Variants in NTNG1 observed in about 807,000 individuals in gnomAD.
The protein encoded by NTNG1 is netrin-G1.
In NTNG1, 16 loss-of-function variants were observed where a neutral mutation model predicts 54.0. The ratio of observed to expected loss-of-function variants is 0.30; its 90% CI spans 0.20 to 0.45. The LOEUF (loss-of-function observed/expected upper bound fraction) is 0.45. NTNG1 is among the 20% of genes least tolerant of loss of function. NTNG1 has a pLI of 1.00. For missense variants in NTNG1, 530 were observed against 678.7 expected (o/e 0.78, Z 2.43); for synonymous variants, 255 against 263.1 (o/e 0.97, Z 0.30).
intron 5 of NTNG1, among the ~76,000 whole-genome samples, chr1:107,428,376 T>C (rs779885703): frequency 2.0e-5 from 3 of 152,114 alleles, no homozygotes; most frequent in Non-Finnish European, 2.9e-5. Flanking sequence ...TTTTTTCTGG[T>C]TATCTGAGCA....
At chr1:107,170,955 A>G (rs886379183) in intron 2 of NTNG1, among the ~76,000 whole-genome samples, 3 of 152,128 alleles carry the variant, frequency 2.0e-5, no homozygotes, top group African/African-American at 7.2e-5. Flanking sequence ...TACTTATAGC[A>G]TCGTACAAAT....
At position 107,394,555 on chromosome 1, in the gene NTNG1, C is replaced by T. The variant is rs139199818; in HGVS notation, c.888-599C>T. ...TCTGAGGATTACTGTGTCTCACCCC[C>T]CTTCGGGTCTGTTAGCAGCCTTGGT... On this transcript the variant is annotated intron_variant, in intron 3 of 7. Transcript: ENST00000370068. Among the ~76,000 whole-genome samples, 536 of 152,222 alleles carry T rather than the reference C, an allele frequency of 3.5e-3. 1 individual carries two copies. The highest frequency in any genetic ancestry group is 8.5e-3 in the African/African-American group (353 of 41,532).
At chr1:107,376,458 C>A (rs1032361485) in intron 3 of NTNG1, among the ~76,000 whole-genome samples, 1 of 151,722 alleles carries the variant, frequency 6.6e-6, no homozygotes, top group Admixed American at 6.6e-5. Flanking sequence ...ATTGTATTTC[C>A]ATTTTACAGA....
At chr1:107,375,066 T>C (rs1671148113) in intron 3 of NTNG1, among the ~76,000 whole-genome samples, 1 of 152,216 alleles carries the variant, frequency 6.6e-6, no homozygotes, top group African/African-American at 2.4e-5. Context: ...CTAATACTTT[T>C]GGAGGTTTTT....
At chr1:107,437,858 T>C (rs1478055285) in intron 7 of NTNG1, among the ~76,000 whole-genome samples, 1 of 152,170 alleles carries the variant, frequency 6.6e-6, no homozygotes, top group Admixed American at 6.5e-5. Flanking sequence ...GCTGCCCATA[T>C]TGTAAGGCTT....
In NTNG1 at chr1:107,173,231, A is replaced by G. The variant is rs72697671; in HGVS notation, c.246+24392A>G. On this transcript the variant is annotated intron_variant, in intron 2 of 7. Transcript: ENST00000370068. ...GTTTAACGCATCTTAAAACCTCACA[A>G]TTCACTATTCTAGCAGTTTTTCATT... 2.8e-3 allele frequency among the ~76,000 whole-genome samples: 420 copies of G among 152,210 alleles called. 3 individuals are homozygous for G. The highest frequency in any genetic ancestry group is 4.4e-3 in the Non-Finnish European group (298 of 67,990).
chr1:107,422,805 C>CA lies in NTNG1; in HGVS notation c.1088-7936dup, dbSNP rs200550711. 3.5e-4 allele frequency among the ~76,000 whole-genome samples: 52 copies of CA among 149,612 alleles called. No individual in the cohort carries two copies. In the East Asian group the frequency reaches 6.6e-3, roughly 19 times the overall value. ...TTTGAATTAGCTTTCCTCATTTGGCCAAAAAAAAATCTACCTGTTCTAATT... is the reference window on the plus strand; with the variant it reads ...TTTGAATTAGCTTTCCTCATTTGGCCAAAAAAAAAATCTACCTGTTCTAATT... On this transcript the variant is annotated intron_variant, in intron 5 of 7. Coordinates refer to ENST00000370068, the MANE Select transcript of NTNG1 (RefSeq NM_001113226.3).
chr1:107,340,354 G>A (rs937343251), intron 3 of NTNG1, among the ~76,000 whole-genome samples: 1 of 152,080 alleles, frequency 6.6e-6, no homozygotes, highest in Admixed American at 6.6e-5. Context: ...ACCACATGTT[G>A]TTTAATCAGA....
At chr1:107,377,242 G>A (rs989894409) in intron 3 of NTNG1, among the ~76,000 whole-genome samples, 8 of 152,142 alleles carry the variant, frequency 5.3e-5, no homozygotes, top group African/African-American at 1.7e-4. Flanking sequence ...GCCTCACATT[G>A]AACCTCCCAG....
At chr1:107,275,383 T>A (rs953038771) in intron 2 of NTNG1, among the ~76,000 whole-genome samples, 9 of 151,706 alleles carry the variant, frequency 5.9e-5, no homozygotes, top group Non-Finnish European at 1.0e-4. Flanking sequence ...TCAAAAAAAA[T>A]AAATAAATAA....
chr1:107,299,000 G>A lies in NTNG1; in HGVS notation c.247-25282G>A, dbSNP rs138198343. On this transcript the variant is annotated intron_variant, in intron 2 of 7. Transcript: ENST00000370068. ...TTTGGACTATGGGTACATATGGGTAGTGTTGCCTTGGGTTATGGGTACATT... is the reference window on the plus strand; with the variant it reads ...TTTGGACTATGGGTACATATGGGTAATGTTGCCTTGGGTTATGGGTACATT... Among the ~76,000 whole-genome samples the A allele has an allele frequency of 4.6e-4, 70 of 152,294 alleles. No homozygotes were observed. The East Asian group carries it at 0.013, about 27-fold the overall frequency.
chr1:107,434,968 A>G (rs545059287), intron 6 of NTNG1, among the ~76,000 whole-genome samples: 46 of 152,258 alleles, frequency 3.0e-4, no homozygotes, highest in Non-Finnish European at 5.6e-4. Context: ...ACATTTTCCT[A>G]TGACAATGAC....
chr1:107,429,850 C>T (rs1675145025), intron 5 of NTNG1, among the ~76,000 whole-genome samples: 3 of 152,068 alleles, frequency 2.0e-5, no homozygotes, highest in Admixed American at 2.0e-4. Flanking sequence ...AGTTGAGATG[C>T]AAGAAAGAAG....
At position 107,395,186 on chromosome 1, in the gene NTNG1, T is replaced by A; in HGVS notation, c.920T>A (p.Val307Glu). 2.5e-6 allele frequency: 4 copies of A among 1,613,464 alleles called. No individual in the cohort carries two copies. Among genetic ancestry groups the A allele is most frequent in the Non-Finnish European group, 3.4e-6 (4 of 1,179,556 alleles). ...TGTAATCTCCATGCCACTGTATGTG[T>A]GTATGACAACAGCAAATTGACATGC... Reference protein sequence around the residue: ...CKCNLHATVCVYDNSKLTCEC... With the variant: ...CKCNLHATVCEYDNSKLTCEC... The change falls in exon 4 of 8, where the codon GTG becomes GAG. Residue 307 changes from valine (V) to glutamate (E), a missense_variant. Around this residue, in one of 2 missense-constraint regions of NTNG1, gnomAD observed 318 missense variants for 465.1 expected, o/e 0.68. Coordinates refer to ENST00000370068, the MANE Select transcript of NTNG1 (RefSeq NM_001113226.3).
chr1:107,395,541 G>A lies in NTNG1; in HGVS notation c.1060+215G>A. 3 of 730,406 alleles carry A rather than the reference G, an allele frequency of 4.1e-6. No individual in the cohort carries two copies. The South Asian group carries it at 4.1e-5, about 10-fold the overall frequency. 45.2% of individuals were successfully genotyped at this position (730,406 alleles called of 1,614,324 possible). A position where few individuals can be genotyped will look rare whatever the true frequency, so the allele number is the denominator to read the frequency against. The stretch of plus-strand genomic sequence containing the variant: ...CAGTCATCTAACATTCACATCAAAT[G>A]TGTTGGGAAATGATACTTGACATCA... On this transcript the variant is annotated intron_variant, in intron 4 of 7. Coordinates refer to ENST00000370068, the MANE Select transcript of NTNG1 (RefSeq NM_001113226.3).
chr1:107,477,467 A>G (rs1358461557), intron 7 of NTNG1, among the ~76,000 whole-genome samples: 1 of 152,192 alleles, frequency 6.6e-6, no homozygotes, highest in African/African-American at 2.4e-5. Context: ...CAACTTGCAG[A>G]GTTCTGGCCT....
At chr1:107,360,810 C>T (rs758934406) in intron 3 of NTNG1, among the ~76,000 whole-genome samples, 1 of 152,062 alleles carries the variant, frequency 6.6e-6, no homozygotes, top group Admixed American at 6.6e-5. Flanking sequence ...GACTCATAGC[C>T]GAGAGGCTAC....
rs2587893 is a variant in NTNG1, at chr1:107,399,834, G to T, written c.1060+4508G>T. On this transcript the variant is annotated intron_variant, in intron 4 of 7. Transcript: ENST00000370068. ...GGATGACTTTCTCTGTCCTCCACTG[G>T]GATTTAGGCTCCATTTCAATGCCTA... 8.6e-3 allele frequency among the ~76,000 whole-genome samples: 1,313 copies of T among 152,072 alleles called. 17 individuals carry two copies. Among genetic ancestry groups the T allele is most frequent in the African/African-American group, 0.025 (1,055 of 41,492 alleles).
At chr1:107,346,988 G>T (rs1303401563) in intron 3 of NTNG1, among the ~76,000 whole-genome samples, 1 of 151,680 alleles carries the variant, frequency 6.6e-6, no homozygotes, top group Non-Finnish European at 1.5e-5. Flanking sequence ...TGTTTTAGGG[G>T]TGGAAGGAAG....
Sources: gnomAD v4.1 joint callset for allele counts (sites outside exome capture counted in the v4.1 genomes callset) on GRCh38, gnomAD v4.1.1 for gene constraint, gnomAD v4.1.1 regional missense constraint, MANE v1.5 for transcripts, NCBI Gene and HGNC (gene_info 2026-07-23, HGNC 2026-07-21) for gene names.